The following MARCKSL1 variants were observed in gnomAD, a reference collection of about 807,000 sequenced individuals.
MARCKSL1 encodes the protein MARCKS-related protein.
In MARCKSL1, 5 loss-of-function variants were observed where a neutral mutation model predicts 13.3. The ratio of observed to expected loss-of-function variants is 0.38; its 90% CI spans 0.20 to 0.79. The LOEUF is 0.79. Ranked by LOEUF, MARCKSL1 falls within the 30% of genes least tolerant of loss-of-function variation. The probability of loss-of-function intolerance (pLI) is 0.45; values close to 1 mark genes in which losing one functional copy is unlikely to be tolerated. For synonymous variants in MARCKSL1, 126 were observed against 103.2 expected, an observed-to-expected ratio of 1.22 and a Z score of -1.34; for missense variants, 274 against 251.6, an observed-to-expected ratio of 1.09 and a Z score of -0.60.
chr1:32,336,053 G>A lies in MARCKSL1; in HGVS notation c.-20C>T, dbSNP rs1252830057. The A allele has an allele frequency of 4.7e-6, 6 of 1,272,656 alleles. No homozygotes were observed. The highest frequency in any genetic ancestry group is 6.0e-6 in the Non-Finnish European group (6 of 1,004,178). The allele number at this position is 1,272,656 out of a possible 1,614,324, so 78.8% of individuals were successfully genotyped here. A position where few individuals can be genotyped will look rare whatever the true frequency, so the allele number is the denominator to read the frequency against. ...GCCCATGATGGGGGTCTGCTGGGGG[G>A]CGCTTGGAGCCGCCCCGGGCTCGCG... On this transcript the variant is annotated 5_prime_UTR_variant, in exon 1 of 2. Coordinates refer to ENST00000329421, the MANE Select transcript of MARCKSL1 (RefSeq NM_023009.7).
At position 32,335,279 on chromosome 1, in the gene MARCKSL1, G is replaced by C. The variant is rs1328356724; in HGVS notation, c.88-182C>G. Among the ~76,000 whole-genome samples, 3 of 152,160 alleles carry C rather than the reference G, an allele frequency of 2.0e-5. No individual in the cohort carries two copies. The highest frequency in any genetic ancestry group is 2.1e-4 in the South Asian group (1 of 4,834). On this transcript the variant is annotated intron_variant, in intron 1 of 1. Transcript: ENST00000329421. The surrounding 1 kb of genome is among the most constrained non-coding windows in gnomAD (Gnocchi z 4.1). ...CCTCTCGCCCCTCACGGGCGCGCGGGGAGCGAGCGCGCAGAGGGCGCGACC... is the reference window on the plus strand; with the variant it reads ...CCTCTCGCCCCTCACGGGCGCGCGGCGAGCGAGCGCGCAGAGGGCGCGACC...
In MARCKSL1 at chr1:32,335,174, G is replaced by A. The variant is rs1026769228; in HGVS notation, c.88-77C>T. 13 of 1,392,000 alleles carry A rather than the reference G, an allele frequency of 9.3e-6. No homozygotes were observed. The highest frequency in any genetic ancestry group is 3.6e-5 in the South Asian group (2 of 54,920). The allele number at this position is 1,392,000 out of a possible 1,614,324, so 86.2% of individuals were successfully genotyped here. A position where few individuals can be genotyped will look rare whatever the true frequency, so the allele number is the denominator to read the frequency against. Reference sequence around the variant, plus strand: ...CCGCTTCTGATCCCTTCTAGAGGAAGGGGTCCTCGATTCGATTCTACTGCA... The same window carrying A: ...CCGCTTCTGATCCCTTCTAGAGGAAAGGGTCCTCGATTCGATTCTACTGCA... On this transcript the variant is annotated intron_variant, in intron 1 of 1. Coordinates refer to ENST00000329421, the MANE Select transcript of MARCKSL1 (RefSeq NM_023009.7). The surrounding 1 kb of genome is among the most constrained non-coding windows in gnomAD (Gnocchi z 4.1).
rs1198614882 is a variant in MARCKSL1, at chr1:32,336,208, G to A, written c.-175C>T. On this transcript the variant is annotated 5_prime_UTR_variant, in exon 1 of 2. Transcript: ENST00000329421. Reference sequence around the variant, plus strand: ...GGCCGACCCGCTAGCTGCGCCCGCCGCCGCTCCGCTCCGCGCCAGAATGCC... The same window carrying A: ...GGCCGACCCGCTAGCTGCGCCCGCCACCGCTCCGCTCCGCGCCAGAATGCC... 8 of 333,030 alleles carry A rather than the reference G, an allele frequency of 2.4e-5. No homozygotes were observed. The highest frequency in any genetic ancestry group is 1.8e-4 in the East Asian group (4 of 21,956). The allele number at this position is 333,030 out of a possible 1,614,324, so 20.6% of individuals were successfully genotyped here.
At position 32,335,203 on chromosome 1, in the gene MARCKSL1, C is replaced by T; in HGVS notation, c.88-106G>A. The T allele has an allele frequency of 1.6e-6, 2 of 1,234,856 alleles. No individual in the cohort carries two copies. The highest frequency in any genetic ancestry group is 2.1e-6 in the Non-Finnish European group (2 of 947,544). The allele number at this position is 1,234,856 out of a possible 1,614,324, so 76.5% of individuals were successfully genotyped here. A position where few individuals can be genotyped will look rare whatever the true frequency, so the allele number is the denominator to read the frequency against. ...TCCTCGATTCGATTCTACTGCAACC[C>T]GAAAGTCTGGCTTCAGCCTCACCCA... On this transcript the variant is annotated intron_variant, in intron 1 of 1. Transcript: ENST00000329421. The surrounding 1 kb of genome is among the most constrained non-coding windows in gnomAD (Gnocchi z 4.1).
chr1:32,334,710 C>G lies in MARCKSL1; in HGVS notation c.475G>C (p.Ala159Pro). 1 of 1,612,602 alleles carries G rather than the reference C, an allele frequency of 6.2e-7. No individual in the cohort carries two copies. Among genetic ancestry groups the G allele is most frequent in the South Asian group, 1.1e-5 (1 of 90,998 alleles). Residue 159 changes from alanine to proline, a missense_variant, in exon 2 of 2, where the codon GCA becomes CCA. Physicochemically the swap from Ala to Pro is conservative, Grantham distance 27 (BLOSUM62 -1). Transcript: ENST00000329421. ...TCTTCTGAGGCTGCACTAGCCTCTG[C>G]CCCCTTGGCCTGGGGTTCCTGGCTC... ...PESQEPQAKGAEASAASEEEA... is the reference protein window; with the variant it reads ...PESQEPQAKGPEASAASEEEA...
At position 32,335,204 on chromosome 1, in the gene MARCKSL1, GA is replaced by G. The variant is rs1325590703; in HGVS notation, c.88-108del. The G allele has an allele frequency of 6.5e-6, 8 of 1,231,226 alleles. No individual in the cohort carries two copies. The highest frequency in any genetic ancestry group is 7.4e-6 in the Non-Finnish European group (7 of 944,006). The allele number at this position is 1,231,226 out of a possible 1,614,324, so 76.3% of individuals were successfully genotyped here. On this transcript the variant is annotated intron_variant, in intron 1 of 1. Transcript: ENST00000329421. The surrounding 1 kb of genome is among the most constrained non-coding windows in gnomAD (Gnocchi z 4.1). Reference sequence around the variant, plus strand: ...CCTCGATTCGATTCTACTGCAACCCGAAAGTCTGGCTTCAGCCTCACCCACA... The same window carrying G: ...CCTCGATTCGATTCTACTGCAACCCGAAGTCTGGCTTCAGCCTCACCCACA...
rs549845665 is a variant in MARCKSL1 at position 32,335,752 on chromosome 1, C to T, written c.87+195G>A. Among the ~76,000 whole-genome samples the T allele has an allele frequency of 7.9e-5, 12 of 150,978 alleles. No homozygotes were observed. The highest frequency in any genetic ancestry group is 2.7e-4 in the African/African-American group (11 of 41,418). On this transcript the variant is annotated intron_variant, in intron 1 of 1. Coordinates refer to ENST00000329421, the MANE Select transcript of MARCKSL1 (RefSeq NM_023009.7). This position sits in a 1 kb window ranked among gnomAD's most constrained non-coding sequence, Gnocchi z 4.1. ...AACAAAGAAGGCGGCAGGGCCCGGC[C>T]GGCGCCCCCTCCCCGCCCCTCCCCT... is the stretch of plus-strand genomic sequence containing the variant.
In MARCKSL1 at chr1:32,334,916, T is replaced by C; in HGVS notation, c.269A>G (p.Lys90Arg). 1.2e-6 allele frequency: 2 copies of C among 1,612,364 alleles called. No homozygotes were observed. Among genetic ancestry groups the C allele is most frequent in the Non-Finnish European group, 1.7e-6 (2 of 1,179,960 alleles). ...GAAAGGCTTCTTGAAAGAGAATTTC[T>C]TCTTCTTCTTGGGGGTCTCCTTGGG... ...VPPKETPKKKKKFSFKKPFKL... is the reference protein window; with the variant it reads ...VPPKETPKKKRKFSFKKPFKL... Residue 90 changes from lysine (K) to arginine (R), a missense_variant, in exon 2 of 2, where the codon AAG (lysine) becomes AGG (arginine). Physicochemically the swap from Lys to Arg is conservative, Grantham distance 26. Coordinates refer to ENST00000329421, the MANE Select transcript of MARCKSL1 (RefSeq NM_023009.7).
chr1:32,335,991 C>T lies in MARCKSL1; in HGVS notation c.43G>A (p.Ala15Thr). The change falls in exon 1 of 2, where the codon GCC (alanine) becomes ACC (threonine). Residue 15 changes from alanine to threonine, a missense_variant. Physicochemically the swap from Ala to Thr is moderately conservative, Grantham distance 58. Coordinates refer to ENST00000329421, the MANE Select transcript of MARCKSL1 (RefSeq NM_023009.7). The surrounding 1 kb of genome is among the most constrained non-coding windows in gnomAD (Gnocchi z 4.1). ...GGGGAAGCGCCTGCTGCCTCCTCGG[C>T]GGTCACGTCGCCCCGGGGAGCCTTG... is the stretch of plus-strand genomic sequence containing the variant. ...SSKAPRGDVT[A>T]EEAAGASPAK... The T allele has an allele frequency of 1.5e-6, 2 of 1,294,744 alleles. No individual in the cohort carries two copies. Among genetic ancestry groups the T allele is most frequent in the Non-Finnish European group, 2.0e-6 (2 of 1,019,370 alleles). The allele number at this position is 1,294,744 out of a possible 1,614,324, so 80.2% of individuals were successfully genotyped here.
chr1:32,336,163 G>A lies in MARCKSL1; in HGVS notation c.-130C>T. On this transcript the variant is annotated 5_prime_UTR_variant, in exon 1 of 2. Transcript: ENST00000329421. ...AGGGGGAGGGGTGCCGGGGGAAGCCGAGCTGCACCTCCGCTCCGCGGCCGA... is the reference window on the plus strand; with the variant it reads ...AGGGGGAGGGGTGCCGGGGGAAGCCAAGCTGCACCTCCGCTCCGCGGCCGA... The A allele has an allele frequency of 2.7e-6, 1 of 366,144 alleles. No individual in the cohort carries two copies. Among genetic ancestry groups the A allele is most frequent in the Middle Eastern group, 7.4e-4 (1 of 1,350 alleles). The allele number at this position is 366,144 out of a possible 1,614,324, so 22.7% of individuals were successfully genotyped here. A position where few individuals can be genotyped will look rare whatever the true frequency, so the allele number is the denominator to read the frequency against.
In MARCKSL1 at chr1:32,336,226, A is replaced by T. The variant is rs2148077049; in HGVS notation, c.-193T>A. 1 of 321,048 alleles carries T rather than the reference A, an allele frequency of 3.1e-6. No homozygotes were observed. The highest frequency in any genetic ancestry group is 8.4e-4 in the Middle Eastern group (1 of 1,186). 19.9% of individuals were successfully genotyped at this position (321,048 alleles called of 1,614,324 possible). On this transcript the variant is annotated 5_prime_UTR_variant, in exon 1 of 2. Transcript: ENST00000329421. The stretch of plus-strand genomic sequence containing the variant: ...GCCCGCCGCCGCTCCGCTCCGCGCC[A>T]GAATGCCGCCCGCCGCCCGCCGAGC...
At position 32,334,143 on chromosome 1, in the gene MARCKSL1, G is replaced by A. The variant is rs1404930501; in HGVS notation, c.*454C>T. The A allele has an allele frequency of 1.9e-5, 3 of 155,408 alleles. No homozygotes were observed. Among genetic ancestry groups the A allele is most frequent in the Non-Finnish European group, 2.9e-5 (2 of 70,056 alleles). 9.6% of individuals were successfully genotyped at this position (155,408 alleles called of 1,614,324 possible). On this transcript the variant is annotated 3_prime_UTR_variant, in exon 2 of 2. Coordinates refer to ENST00000329421, the MANE Select transcript of MARCKSL1 (RefSeq NM_023009.7). ...GGGCAGTGTCCTCCCCAGCCCAGGT[G>A]CCACTAGGCACAGCACAAGAGACTA...
rs1323651177 is a variant in MARCKSL1, at chr1:32,334,101, T to C, written c.*496A>G. On this transcript the variant is annotated 3_prime_UTR_variant, in exon 2 of 2. Transcript: ENST00000329421. ...GGAGGTTTGAACTTGAGTAAGACAT[T>C]TATAAAAACCTAGACGGGGCAGTGT... 4 of 153,320 alleles carry C rather than the reference T, an allele frequency of 2.6e-5. No individual in the cohort carries two copies. The highest frequency in any genetic ancestry group is 9.7e-5 in the African/African-American group (4 of 41,434). 9.5% of individuals were successfully genotyped at this position (153,320 alleles called of 1,614,324 possible). A position where few individuals can be genotyped will look rare whatever the true frequency, so the allele number is the denominator to read the frequency against.
At position 32,334,623 on chromosome 1, in the gene MARCKSL1, G is replaced by C; in HGVS notation, c.562C>G (p.Pro188Ala). The change falls in exon 2 of 2, where the codon CCA (proline) becomes GCA (alanine). Residue 188 changes from proline to alanine, a missense_variant. Transcript: ENST00000329421. ...TPSGPESGPTPASAEQNE is the reference protein window; with the variant it reads ...TPSGPESGPTAASAEQNE ...TACTCATTCTGCTCAGCGCTGGCTG[G>C]TGTAGGGCCACTCTCCGGCCCCGAG... The C allele has an allele frequency of 6.3e-7, 1 of 1,586,562 alleles. No homozygotes were observed. The highest frequency in any genetic ancestry group is 8.6e-7 in the Non-Finnish European group (1 of 1,166,558).
chr1:32,335,144 C>T lies in MARCKSL1; in HGVS notation c.88-47G>A. Reference sequence around the variant, plus strand: ...AATGAGGGCAGGGGCTCCCCCTCCCCCAGCCCGCTTCTGATCCCTTCTAGA... The same window carrying T: ...AATGAGGGCAGGGGCTCCCCCTCCCTCAGCCCGCTTCTGATCCCTTCTAGA... On this transcript the variant is annotated intron_variant, in intron 1 of 1. Coordinates refer to ENST00000329421, the MANE Select transcript of MARCKSL1 (RefSeq NM_023009.7). The surrounding 1 kb of genome is among the most constrained non-coding windows in gnomAD (Gnocchi z 4.1). 1 of 1,495,070 alleles carries T rather than the reference C, an allele frequency of 6.7e-7. No homozygotes were observed. The highest frequency in any genetic ancestry group is 8.9e-7 in the Non-Finnish European group (1 of 1,123,862). The allele number at this position is 1,495,070 out of a possible 1,614,324, so 92.6% of individuals were successfully genotyped here. A position where few individuals can be genotyped will look rare whatever the true frequency, so the allele number is the denominator to read the frequency against.
At position 32,336,134 on chromosome 1, in the gene MARCKSL1, C is replaced by T. The variant is rs893028986; in HGVS notation, c.-101G>A. The T allele has an allele frequency of 3.1e-4, 139 of 448,218 alleles. 2 individuals carry two copies. Among genetic ancestry groups the T allele is most frequent in the African/African-American group, 2.0e-3 (96 of 48,794 alleles). 27.8% of individuals were successfully genotyped at this position (448,218 alleles called of 1,614,324 possible). ...GGCCGGCGGAGGGGTGGGGCTGGCGCCCGAGGGGGAGGGGTGCCGGGGGAA... is the reference window on the plus strand; with the variant it reads ...GGCCGGCGGAGGGGTGGGGCTGGCGTCCGAGGGGGAGGGGTGCCGGGGGAA... On this transcript the variant is annotated 5_prime_UTR_variant, in exon 1 of 2. Transcript: ENST00000329421.
At position 32,335,914 on chromosome 1, in the gene MARCKSL1, G is replaced by A; in HGVS notation, c.87+33C>T. On this transcript the variant is annotated intron_variant, in intron 1 of 1. Coordinates refer to ENST00000329421, the MANE Select transcript of MARCKSL1 (RefSeq NM_023009.7). The surrounding 1 kb of genome is among the most constrained non-coding windows in gnomAD (Gnocchi z 4.1). ...CTAGAAGGGGCGAGGTGCGAGAGGA[G>A]GGGCTGGGGCCGGCCGGGCCAAGCG... 2.4e-6 allele frequency: 3 copies of A among 1,248,840 alleles called. No homozygotes were observed. The South Asian group carries it at 1.0e-4, about 42-fold the overall frequency. 77.4% of individuals were successfully genotyped at this position (1,248,840 alleles called of 1,614,324 possible).
In MARCKSL1 at chr1:32,335,841, G is replaced by C. The variant is rs1455942861; in HGVS notation, c.87+106C>G. 1 of 486,428 alleles carries C rather than the reference G, an allele frequency of 2.1e-6. No homozygotes were observed. The highest frequency in any genetic ancestry group is 2.0e-5 in the African/African-American group (1 of 48,980). 30.1% of individuals were successfully genotyped at this position (486,428 alleles called of 1,614,324 possible). On this transcript the variant is annotated intron_variant, in intron 1 of 1. Transcript: ENST00000329421. The surrounding 1 kb of genome is among the most constrained non-coding windows in gnomAD (Gnocchi z 4.1). Reference sequence around the variant, plus strand: ...GACCGGGCGGGGGAGGGGGCGCCGCGTGTCCCGGGCCGGACAAAGCGCGCG... The same window carrying C: ...GACCGGGCGGGGGAGGGGGCGCCGCCTGTCCCGGGCCGGACAAAGCGCGCG...
rs368307875 is a variant in MARCKSL1, at chr1:32,334,714, C to A, written c.471G>T (p.Lys157Asn). The stretch of plus-strand genomic sequence containing the variant: ...CTGAGGCTGCACTAGCCTCTGCCCC[C>A]TTGGCCTGGGGTTCCTGGCTCTCAG... ...ATPESQEPQA[K>N]GAEASAASEE... Residue 157 changes from lysine to asparagine, a missense_variant, in exon 2 of 2, where the codon AAG (lysine) becomes AAT (asparagine). By Grantham distance (94) the Lys-to-Asn change is moderately conservative (BLOSUM62 0). Transcript: ENST00000329421. 11 of 1,612,590 alleles carry A rather than the reference C, an allele frequency of 6.8e-6. No individual in the cohort carries two copies. Among genetic ancestry groups the A allele is most frequent in the Non-Finnish European group, 9.3e-6 (11 of 1,179,934 alleles).
Sources: allele counts gnomAD v4.1 joint callset (sites outside exome capture counted in the v4.1 genomes callset), GRCh38; gene constraint gnomAD v4.1.1; non-coding constraint Gnocchi (gnomAD v3.1); transcripts MANE v1.5; gene names NCBI Gene and HGNC (gene_info 2026-07-23, HGNC 2026-07-21).